Variants in MOXD1 observed in about 807,000 individuals in gnomAD.
MOXD1 encodes the protein monooxygenase DBH like 1.
Under a neutral mutation model 66.6 loss-of-function variants are expected in MOXD1, and 62 were observed. That is an observed-to-expected ratio of 0.93 (90% CI 0.76 to 1.15). MOXD1 has a LOEUF of 1.15. MOXD1 is among the 50% of genes most tolerant of loss of function. The pLI, the probability that MOXD1 is intolerant of heterozygous loss-of-function variation, is 0.00. For synonymous variants in MOXD1, 303 were observed against 281.9 expected (o/e 1.07, Z -0.75); for missense variants, 847 against 754.6 (o/e 1.12, Z -1.44).
rs182190889 is a variant in MOXD1 at position 132,382,162 on chromosome 6, T to C, written c.265-7385A>G. Among the ~76,000 whole-genome samples the C allele has an allele frequency of 6.4e-4, 98 of 152,084 alleles. 1 individual carries two copies. The highest frequency in any genetic ancestry group is 7.2e-5 in the African/African-American group (3 of 41,458). Reference sequence around the variant, plus strand: ...ATATCATATACACATATCATAAATATACAATATTGATAAAAGTCACTCCAA... The same window carrying C: ...ATATCATATACACATATCATAAATACACAATATTGATAAAAGTCACTCCAA... On this transcript the variant is annotated intron_variant, in intron 1 of 11. Transcript: ENST00000367963.
intron 10 of MOXD1, among the ~76,000 whole-genome samples, chr6:132,315,054 G>A (rs1481001809): frequency 6.6e-6 from 1 of 152,200 alleles, no homozygotes; most frequent in Non-Finnish European, 1.5e-5. Context: ...TGATAAGAGT[G>A]ACTCATTGTG....
At chr6:132,366,681 T>C (rs1429180074) in intron 4 of MOXD1, among the ~76,000 whole-genome samples, 1 of 152,054 alleles carries the variant, frequency 6.6e-6, no homozygotes, top group East Asian at 1.9e-4. Flanking sequence ...TCTCAGAAAA[T>C]AGAAACCCTC....
intron 4 of MOXD1, among the ~76,000 whole-genome samples, chr6:132,360,594 C>A (rs1775998934): frequency 6.6e-6 from 1 of 152,162 alleles, no homozygotes; most frequent in Non-Finnish European, 1.5e-5. Flanking sequence ...ACAATCACTG[C>A]TTTCTCCTTT....
chr6:132,388,078 T>C (rs141800103), intron 1 of MOXD1, among the ~76,000 whole-genome samples: 39 of 151,572 alleles, frequency 2.6e-4, no homozygotes, highest in African/African-American at 8.4e-4. Context: ...CTCTCCCACC[T>C]ATATATTTAG....
At chr6:132,306,307 C>T (rs921476552) in intron 10 of MOXD1, among the ~76,000 whole-genome samples, 1 of 151,348 alleles carries the variant, frequency 6.6e-6, no homozygotes, top group Non-Finnish European at 1.5e-5. Flanking sequence ...GCAGACAAGA[C>T]TAGAGAAAAA....
intron 4 of MOXD1, among the ~76,000 whole-genome samples, chr6:132,356,089 A>G (rs1775905568): frequency 6.6e-6 from 1 of 152,188 alleles, no homozygotes; most frequent in Admixed American, 6.5e-5. Flanking sequence ...GACAGACAGT[A>G]CCTGGGAGGG....
At chr6:132,378,853 G>GA in intron 1 of MOXD1, among the ~76,000 whole-genome samples, 1 of 121,536 alleles carries the variant, frequency 8.2e-6, no homozygotes, top group African/African-American at 2.8e-5. Context: ...TCTGGAAAAT[G>GA]AAAGAGGACA....
intron 1 of MOXD1, among the ~76,000 whole-genome samples, chr6:132,397,408 C>A (rs985069241): frequency 6.6e-6 from 1 of 152,184 alleles, no homozygotes; most frequent in African/African-American, 2.4e-5. Flanking sequence ...GGACTTGCTT[C>A]TCTGCCTTTC....
At chr6:132,348,453 A>T (rs913225459) in intron 4 of MOXD1, among the ~76,000 whole-genome samples, 14 of 152,328 alleles carry the variant, frequency 9.2e-5, no homozygotes, top group Non-Finnish European at 2.1e-4. Context: ...GGACAAACGC[A>T]AGGGTCATTA....
chr6:132,352,315 AT>A (rs1323411544), intron 4 of MOXD1, among the ~76,000 whole-genome samples: 1 of 152,064 alleles, frequency 6.6e-6, no homozygotes, highest in African/African-American at 2.4e-5. Context: ...TATCCCACAG[AT>A]TTTGATAGGT....
At chr6:132,340,322 CTTTA>C (rs1486379255) in intron 4 of MOXD1, among the ~76,000 whole-genome samples, 1 of 152,106 alleles carries the variant, frequency 6.6e-6, no homozygotes, top group Non-Finnish European at 1.5e-5. Context: ...TTCAATCACC[CTTTA>C]TTTGTTTCTT....
chr6:132,303,798 T>TAC (rs575480049), intron 10 of MOXD1, among the ~76,000 whole-genome samples: 20 of 121,916 alleles, frequency 1.6e-4, no homozygotes, highest in Middle Eastern at 3.9e-3. Flanking sequence ...TATACATATA[T>TAC]ACACACACAT....
intron 1 of MOXD1, among the ~76,000 whole-genome samples, chr6:132,388,256 C>T (rs887806923): frequency 6.6e-6 from 1 of 151,326 alleles, no homozygotes; most frequent in Admixed American, 6.6e-5. Context: ...TTCATTTAAT[C>T]CTCACAAAAG....
At chr6:132,303,937 A>G (rs1774630381) in intron 10 of MOXD1, among the ~76,000 whole-genome samples, 1 of 143,082 alleles carries the variant, frequency 7.0e-6, no homozygotes, top group Non-Finnish European at 1.5e-5. Context: ...AATCCAATCC[A>G]TTCTCATTTT....
intron 1 of MOXD1, among the ~76,000 whole-genome samples, chr6:132,387,751 T>TGAAAA (rs751701487): frequency 1.4e-5 from 1 of 69,514 alleles, no homozygotes; most frequent in East Asian, 3.3e-4. Context: ...AAACTCCATC[T>TGAAAA]AAAAAAAAAA....
rs77953062 is a variant in MOXD1, at chr6:132,302,698, G to T, written c.1509-4743C>A. On this transcript the variant is annotated intron_variant, in intron 10 of 11. Coordinates refer to ENST00000367963, the MANE Select transcript of MOXD1 (RefSeq NM_015529.4). The stretch of plus-strand genomic sequence containing the variant: ...GCAGGTCCTTTTTAAAAATGAAATT[G>T]ACAAGTTGATTTAAATATATGTATG... 7.6e-3 allele frequency among the ~76,000 whole-genome samples: 1,155 copies of T among 152,094 alleles called. 10 individuals are homozygous for T. Among genetic ancestry groups the T allele is most frequent in the African/African-American group, 0.027 (1,102 of 41,492 alleles).
At chr6:132,300,781 G>C (rs181131428) in intron 10 of MOXD1, among the ~76,000 whole-genome samples, 14 of 152,330 alleles carry the variant, frequency 9.2e-5, no homozygotes, top group Non-Finnish European at 1.9e-4. Context: ...CAGAATGACT[G>C]AGGCTGGGTG....
intron 4 of MOXD1, among the ~76,000 whole-genome samples, chr6:132,365,802 C>CTG (rs1776110118): frequency 6.6e-6 from 1 of 152,102 alleles, no homozygotes; most frequent in South Asian, 2.1e-4. Context: ...CTTTCAAATG[C>CTG]ACTAATTTGA....
intron 1 of MOXD1, among the ~76,000 whole-genome samples, chr6:132,381,793 G>C (rs538311980): frequency 6.6e-6 from 1 of 152,196 alleles, no homozygotes; most frequent in Admixed American, 6.5e-5. Flanking sequence ...TTTGAATACA[G>C]GTAAAGTCAC....
Sources: allele counts gnomAD v4.1 joint callset (sites outside exome capture counted in the v4.1 genomes callset), GRCh38; gene constraint gnomAD v4.1.1; transcripts MANE v1.5; gene names NCBI Gene and HGNC (gene_info 2026-07-23, HGNC 2026-07-21).